ADGRF4: variants seen among roughly 807,000 people sequenced by gnomAD.
ADGRF4 encodes the protein adhesion G protein-coupled receptor F4, also known as G-protein coupled receptor PGR18.
ADGRF4 carries 63 observed loss-of-function variants against 58.5 expected under a neutral mutation model. The observed-to-expected ratio is 1.08, with a 90% CI of 0.88 to 1.33. ADGRF4 has a LOEUF of 1.33. Ranked by LOEUF, ADGRF4 falls within the 40% of genes most tolerant of loss-of-function variation. The pLI is 0.00. For missense variants in ADGRF4, 931 were observed against 843.9 expected (o/e 1.10, Z -1.28); for synonymous variants, 313 against 295.4 (o/e 1.06, Z -0.61).
At chr6:47,713,531 G>C (rs1771921142) in intron 5 of ADGRF4, among the ~76,000 whole-genome samples, 1 of 152,140 alleles carries the variant, frequency 6.6e-6, no homozygotes, top group South Asian at 2.1e-4. Context: ...TGGGAAACTT[G>C]GGTTCTACAC....
chr6:47,715,864 A>G (rs563071637), intron 6 of ADGRF4, among the ~76,000 whole-genome samples: 13 of 152,342 alleles, frequency 8.5e-5, no homozygotes, highest in African/African-American at 3.1e-4. Flanking sequence ...AGCAGACTTT[A>G]AAGAAATGCC....
chr6:47,699,927 C>CACA (rs1192975005), intron 1 of ADGRF4, among the ~76,000 whole-genome samples: 327 of 123,528 alleles, frequency 2.6e-3, no homozygotes, highest in African/African-American at 9.5e-3. Flanking sequence ...CACACACAGA[C>CACA]GACACACCCC....
rs755972498 is a variant in ADGRF4 at position 47,712,463 on chromosome 6, G to A, written c.407G>A (p.Arg136His). Residue 136 changes from arginine to histidine, a missense_variant, in exon 5 of 10, where the codon CGT (arginine) becomes CAT (histidine). Transcript: ENST00000283303. ...ATTGAGAGTGTAGCTCAAGGAATCC[G>A]TAAGAACTGCCCCTTTGATTATGCC... ...ETIESVAQGIRKNCPFDYACI... is the reference protein window; with the variant it reads ...ETIESVAQGIHKNCPFDYACI... 86 of 1,613,938 alleles carry A rather than the reference G, an allele frequency of 5.3e-5. No individual in the cohort carries two copies. Among genetic ancestry groups the A allele is most frequent in the Admixed American group, 6.7e-5 (4 of 60,000 alleles).
chr6:47,715,394 C>T (rs1261837973), intron 6 of ADGRF4: 19 of 474,572 alleles, frequency 4.0e-5, no homozygotes, highest in Admixed American at 1.5e-4. Context: ...CTCACTGATG[C>T]ACCTGTATCC....
chr6:47,701,023 C>G (rs960976398), intron 1 of ADGRF4, among the ~76,000 whole-genome samples: 2 of 152,104 alleles, frequency 1.3e-5, no homozygotes, highest in Admixed American at 6.5e-5. Context: ...TCTGTTGACC[C>G]ATTGTGATTA....
chr6:47,714,619 C>G lies in ADGRF4; in HGVS notation c.1374C>G (p.Ile458Met). 6.2e-7 allele frequency: 1 copy of G among 1,614,154 alleles called. No homozygotes were observed. The highest frequency in any genetic ancestry group is 1.1e-5 in the South Asian group (1 of 91,078). Residue 458 changes from isoleucine (I) to methionine (M), a missense_variant, in exon 6 of 10, where the codon ATC (isoleucine) becomes ATG (methionine). Ile to Met is a conservative substitution (Grantham distance 10). Coordinates refer to ENST00000283303, the MANE Select transcript of ADGRF4 (RefSeq NM_153838.5). ...TTCTGACTGCCAATGTGTGGTTTATCATAGGCTCTCACTTTAACATTAAGG... is the reference window on the plus strand; with the variant it reads ...TTCTGACTGCCAATGTGTGGTTTATGATAGGCTCTCACTTTAACATTAAGG... The part of the protein sequence containing the change: ...VSLLTANVWF[I>M]IGSHFNIKAQ...
chr6:47,712,361 CAACT>C lies in ADGRF4; in HGVS notation c.306_309del (p.Thr103ValfsTer7), dbSNP rs777737785. 1 of 1,613,862 alleles carries C rather than the reference CAACT, an allele frequency of 6.2e-7. No individual in the cohort carries two copies. The highest frequency in any genetic ancestry group is 8.5e-7 in the Non-Finnish European group (1 of 1,179,768). On this transcript the variant is annotated frameshift_variant, in exon 5 of 10. Transcript: ENST00000283303. LOFTEE classifies it high-confidence loss of function. ...AACTACATTTGTTTTAAACAGGACTCAACTGGTGCATCTCGCCTTTCTGTAGCAG... is the reference window on the plus strand; with the variant it reads ...AACTACATTTGTTTTAAACAGGACTCGGTGCATCTCGCCTTTCTGTAGCAG...
At position 47,714,972 on chromosome 6, in the gene ADGRF4, T is replaced by C; in HGVS notation, c.1727T>C (p.Val576Ala). 6.2e-7 allele frequency: 1 copy of C among 1,613,566 alleles called. No individual in the cohort carries two copies. Among genetic ancestry groups the C allele is most frequent in the Non-Finnish European group, 8.5e-7 (1 of 1,179,508 alleles). Reference sequence around the variant, plus strand: ...GTCATTGTGGCTGTAAATCTGATTGTGGTTTTGGTTGTTGCTGTCAACACT... The same window carrying C: ...GTCATTGTGGCTGTAAATCTGATTGCGGTTTTGGTTGTTGCTGTCAACACT... ...AFVIVAVNLI[V>A]VLVVAVNTQR... The change falls in exon 6 of 10, where the codon GTG becomes GCG. Residue 576 changes from valine to alanine, a missense_variant. Transcript: ENST00000283303.
At chr6:47,708,622 A>G (rs1315883206) in intron 3 of ADGRF4, among the ~76,000 whole-genome samples, 2 of 152,226 alleles carry the variant, frequency 1.3e-5, no homozygotes, top group African/African-American at 4.8e-5. Context: ...AGATATTTTC[A>G]GGGTGCTTAA....
Position 47,714,553 on chromosome 6 carries a change from A to C in ADGRF4, c.1308A>C (p.Ser436=). 6.2e-7 allele frequency: 1 copy of C among 1,614,162 alleles called. No homozygotes were observed. The highest frequency in any genetic ancestry group is 8.5e-7 in the Non-Finnish European group (1 of 1,180,028). Residue 436 remains serine, a synonymous_variant, in exon 6 of 10, where the codon TCA becomes TCC. Coordinates refer to ENST00000283303, the MANE Select transcript of ADGRF4 (RefSeq NM_153838.5). ...CCCGGGTGGTTGTGACGGAGATATC[A>C]TACATGCGTCACGTGTGCATCGTGA... ...VWSRVVVTEI[S]YMRHVCIVNI...
At position 47,710,922 on chromosome 6, in the gene ADGRF4, A is replaced by G. The variant is rs79147614; in HGVS notation, c.300+36A>G. 1.4e-3 allele frequency: 2,217 copies of G among 1,590,756 alleles called. 20 individuals carry two copies. The highest frequency in any genetic ancestry group is 0.014 in the African/African-American group (1,008 of 74,138). ...CACAAATTATTGGTGACAGAAGCCAATCCCCCAGCAGAAAGTAGACACATT... is the reference window on the plus strand; with the variant it reads ...CACAAATTATTGGTGACAGAAGCCAGTCCCCCAGCAGAAAGTAGACACATT... On this transcript the variant is annotated intron_variant, in intron 4 of 9. Transcript: ENST00000283303.
rs370532419 is a variant in ADGRF4, at chr6:47,714,240, T to G, written c.995T>G (p.Ile332Ser). ...GTTTTACCAGAAAGGTTGCAAGAAA[T>G]CATACTCACCTTCGAAAAGATCAAT... ...SVVLPERLQE[I>S]ILTFEKINKT... The change falls in exon 6 of 10, where the codon ATC becomes AGC. Residue 332 changes from isoleucine to serine, a missense_variant. By Grantham distance (142) the Ile-to-Ser change is moderately radical. Transcript: ENST00000283303. The G allele has an allele frequency of 1.1e-5, 18 of 1,613,948 alleles. No homozygotes were observed. Among genetic ancestry groups the G allele is most frequent in the Non-Finnish European group, 1.2e-5 (14 of 1,180,030 alleles).
chr6:47,712,243 G>T, intron 4 of ADGRF4, 114 bp from the exon 5 acceptor site: 2 of 1,005,276 alleles, frequency 2.0e-6, no homozygotes, highest in Non-Finnish European at 3.0e-6. Flanking sequence ...CACTTTTTAG[G>T]ACTCTTTGCT....
chr6:47,720,151 G>A (rs1772123458), intron 9 of ADGRF4, among the ~76,000 whole-genome samples: 2 of 152,264 alleles, frequency 1.3e-5, no homozygotes, highest in African/African-American at 4.8e-5. Context: ...ATTCACACTA[G>A]ATGATCCTCC....
intron 3 of ADGRF4, among the ~76,000 whole-genome samples, chr6:47,710,160 C>A (rs1771826773): frequency 6.6e-6 from 1 of 152,096 alleles, no homozygotes; most frequent in Admixed American, 6.6e-5. Flanking sequence ...GGACCCTAAC[C>A]TTATATTACC....
At position 47,710,799 on chromosome 6, in the gene ADGRF4, T is replaced by C; in HGVS notation, c.213T>C (p.His71=). 2 of 1,613,808 alleles carry C rather than the reference T, an allele frequency of 1.2e-6. No individual in the cohort carries two copies. The highest frequency in any genetic ancestry group is 1.3e-5 in the African/African-American group (1 of 75,012). The change falls in exon 4 of 10, where the codon CAT becomes CAC. Residue 71 remains histidine (H), a synonymous_variant. Coordinates refer to ENST00000283303, the MANE Select transcript of ADGRF4 (RefSeq NM_153838.5). The part of the protein sequence containing the change: ...NCSQPCAKDF[H]GEIGFTCNQK... Reference sequence around the variant, plus strand: ...GCCAGCCCTGTGCTAAGGACTTTCATGGAGAAATAGGATTTACATGTAATC... The same window carrying C: ...GCCAGCCCTGTGCTAAGGACTTTCACGGAGAAATAGGATTTACATGTAATC...
intron 5 of ADGRF4, 67 bp downstream of exon 5, chr6:47,712,675 T>C: frequency 8.0e-7 from 1 of 1,252,992 alleles, no homozygotes. Context: ...GTTTCAAATA[T>C]ACTTTCCAGG....
Position 47,710,352 on chromosome 6 carries a change from T to C in ADGRF4, c.149-383T>C, listed in dbSNP as rs574293509. On this transcript the variant is annotated intron_variant, in intron 3 of 9. Transcript: ENST00000283303. Reference sequence around the variant, plus strand: ...TAAAAGTTTATGGACTCCTGCTCTATCTTATCATCAATTATCTTTCAAAAA... The same window carrying C: ...TAAAAGTTTATGGACTCCTGCTCTACCTTATCATCAATTATCTTTCAAAAA... Among the ~76,000 whole-genome samples the C allele has an allele frequency of 3.3e-5, 5 of 152,324 alleles. No homozygotes were observed. The South Asian group carries it at 1.0e-3, about 32-fold the overall frequency.
Position 47,714,375 on chromosome 6 carries a change from G to C in ADGRF4, c.1130G>C (p.Arg377Pro). 6.2e-7 allele frequency: 1 copy of C among 1,614,130 alleles called. No homozygotes were observed. The highest frequency in any genetic ancestry group is 8.5e-7 in the Non-Finnish European group (1 of 1,180,022). The change falls in exon 6 of 10, where the codon CGC becomes CCC. Residue 377 changes from arginine to proline, a missense_variant. Arg to Pro is a moderately radical substitution (Grantham distance 103, BLOSUM62 -2). Transcript: ENST00000283303. ...MLDIRNEVKC[R>P]CNYTSVVMSF... ...GATATCAGGAACGAAGTGAAATGCC[G>C]CTGTAACTACACCAGTGTGGTGATG...
Sources: allele counts gnomAD v4.1 joint callset (sites outside exome capture counted in the v4.1 genomes callset), GRCh38; gene constraint gnomAD v4.1.1; transcripts MANE v1.5; gene names NCBI Gene and HGNC (gene_info 2026-07-23, HGNC 2026-07-21).